Variants in B3GALT1 observed in about 807,000 individuals in gnomAD.
B3GALT1 encodes the protein beta-1,3-galactosyltransferase 1, also known as UDP-Gal:betaGlcNAc beta 1,3-galactosyltransferase, polypeptide 1.
A neutral mutation model predicts 23.2 loss-of-function variants in B3GALT1; 10 were observed. The ratio of observed to expected loss-of-function variants is 0.43; its 90% CI spans 0.27 to 0.73. The LOEUF (loss-of-function observed/expected upper bound fraction) is 0.73. Ranked by LOEUF, B3GALT1 falls within the 30% of genes least tolerant of loss-of-function variation. B3GALT1 has a pLI of 0.21. For missense variants in B3GALT1, 299 were observed against 405.4 expected (o/e 0.74, Z 2.25); for synonymous variants, 156 against 141.5 (o/e 1.10, Z -0.73).
chr2:167,765,572 A>G (rs1315989628), intron 3 of B3GALT1, among the ~76,000 whole-genome samples: 1 of 152,216 alleles, frequency 6.6e-6, no homozygotes, highest in Non-Finnish European at 1.5e-5. Context: ...TATAACTAGA[A>G]TTTGCCTATT....
intron 2 of B3GALT1, among the ~76,000 whole-genome samples, chr2:167,499,451 C>G (rs1327383961): frequency 6.6e-6 from 1 of 151,898 alleles, no homozygotes; most frequent in East Asian, 1.9e-4. Context: ...CTATGAGACT[C>G]AAGGATTTAG....
At chr2:167,388,861 A>G (rs1232152952) in intron 1 of B3GALT1, among the ~76,000 whole-genome samples, 1 of 152,190 alleles carries the variant, frequency 6.6e-6, no homozygotes, top group African/African-American at 2.4e-5. Flanking sequence ...AGAACCAAGA[A>G]AAGCCATCTC....
intron 3 of B3GALT1, among the ~76,000 whole-genome samples, chr2:167,746,257 A>AT (rs1168973257): frequency 6.6e-6 from 1 of 152,254 alleles, no homozygotes; most frequent in African/African-American, 2.4e-5. Flanking sequence ...TCCAAGTCTT[A>AT]TATGAGGACA....
chr2:167,378,073 C>G (rs1461099177), intron 1 of B3GALT1, among the ~76,000 whole-genome samples: 1 of 152,138 alleles, frequency 6.6e-6, no homozygotes, highest in East Asian at 1.9e-4. Flanking sequence ...TTCTCCTTCA[C>G]TTATGATTCT....
intron 2 of B3GALT1, among the ~76,000 whole-genome samples, chr2:167,560,675 A>C (rs1683962431): frequency 6.6e-6 from 1 of 151,850 alleles, no homozygotes; most frequent in Admixed American, 6.6e-5. Context: ...GATAAAACAG[A>C]CTTTAAACCA....
At chr2:167,637,009 G>A (rs1196061111) in intron 2 of B3GALT1, among the ~76,000 whole-genome samples, 1 of 151,764 alleles carries the variant, frequency 6.6e-6, no homozygotes, top group African/African-American at 2.4e-5. Context: ...AAAATAGAAG[G>A]TAGGTACTCA....
intron 2 of B3GALT1, among the ~76,000 whole-genome samples, chr2:167,602,361 G>A (rs962867565): frequency 2.0e-5 from 3 of 152,110 alleles, no homozygotes; most frequent in South Asian, 2.1e-4. Flanking sequence ...GAACAGTTCC[G>A]GAGTACTCAA....
chr2:167,447,690 C>T (rs529798893), intron 1 of B3GALT1, among the ~76,000 whole-genome samples: 94 of 152,182 alleles, frequency 6.2e-4, no homozygotes, highest in Non-Finnish European at 2.1e-4. Flanking sequence ...CCTGGTGTGC[C>T]GTTTGCTAAG....
chr2:167,804,400 A>C (rs148122763), intron 3 of B3GALT1, among the ~76,000 whole-genome samples: 12,907 of 151,718 alleles, frequency 0.085, 716 homozygotes, highest in Middle Eastern at 0.2. Flanking sequence ...ATATGTATAC[A>C]TGTGCCATGT....
At chr2:167,696,577 A>T (rs540010270) in intron 3 of B3GALT1, among the ~76,000 whole-genome samples, 1 of 152,132 alleles carries the variant, frequency 6.6e-6, no homozygotes, top group African/African-American at 2.4e-5. Context: ...TCTCTCTCCA[A>T]TTAAGAACAG....
chr2:167,517,713 G>T (rs920816277), intron 2 of B3GALT1, among the ~76,000 whole-genome samples: 11 of 152,112 alleles, frequency 7.2e-5, no homozygotes, highest in South Asian at 4.1e-4. Flanking sequence ...AACTAGCTTT[G>T]TAGTGGACAT....
chr2:167,414,220 C>T (rs1025361063), intron 1 of B3GALT1, among the ~76,000 whole-genome samples: 15 of 152,028 alleles, frequency 9.9e-5, no homozygotes, highest in Non-Finnish European at 1.5e-5. Context: ...ATGGAAAACC[C>T]TGAATACTAT....
At chr2:167,775,884 G>A (rs928824066) in intron 3 of B3GALT1, among the ~76,000 whole-genome samples, 2 of 151,996 alleles carry the variant, frequency 1.3e-5, no homozygotes, top group African/African-American at 4.8e-5. Context: ...GCTCTACTCC[G>A]GGAACTGTCA....
rs73021259 is a variant in B3GALT1 at position 167,827,071 on chromosome 2, G to A, written c.-230+8278G>A. 7.3e-3 allele frequency among the ~76,000 whole-genome samples: 1,104 copies of A among 152,244 alleles called. 19 individuals are homozygous for A. The highest frequency in any genetic ancestry group is 0.025 in the African/African-American group (1,047 of 41,542). On this transcript the variant is annotated intron_variant, in intron 4 of 4. Transcript: ENST00000392690. ...AGAACAATCATGCTTCCTGTTCAGA[G>A]GCAGAACTCCAGGCTCCAAGAACAC...
Position 167,873,448 on chromosome 2 carries a change from G to C in B3GALT1, c.*3428G>C, listed in dbSNP as rs1221343736. 1 of 152,162 alleles carries C rather than the reference G, an allele frequency of 6.6e-6. No homozygotes were observed. Among genetic ancestry groups the C allele is most frequent in the Non-Finnish European group, 1.5e-5 (1 of 68,016 alleles). The allele number at this position is 152,162 out of a possible 1,614,324, so 9.4% of individuals were successfully genotyped here. On this transcript the variant is annotated 3_prime_UTR_variant, in exon 5 of 5. Transcript: ENST00000392690. Reference sequence around the variant, plus strand: ...ATATGGGGAAAATAAACTATTTACAGAGGAGCCAAGGAAGAAGTTTTTCGA... The same window carrying C: ...ATATGGGGAAAATAAACTATTTACACAGGAGCCAAGGAAGAAGTTTTTCGA...
chr2:167,363,612 G>A (rs535072898), intron 1 of B3GALT1, among the ~76,000 whole-genome samples: 2 of 152,130 alleles, frequency 1.3e-5, no homozygotes, highest in African/African-American at 4.8e-5. Context: ...CCTGGCTCAC[G>A]AGAGGAACTT....
chr2:167,668,969 A>G (rs530721654), intron 3 of B3GALT1, among the ~76,000 whole-genome samples: 7 of 152,098 alleles, frequency 4.6e-5, no homozygotes, highest in African/African-American at 9.6e-5. Flanking sequence ...ATCCTATCCC[A>G]TTCTCTAATG....
At chr2:167,803,077 AACAAAC>A (rs1462843648) in intron 3 of B3GALT1, among the ~76,000 whole-genome samples, 1 of 95,666 alleles carries the variant, frequency 1.0e-5, no homozygotes, top group East Asian at 4.9e-4. Flanking sequence ...ATTTGACCCT[AACAAAC>A]ACACACACAC....
rs77018223 is a variant in B3GALT1, at chr2:167,730,944, A to G, written c.-352+83978A>G. Among the ~76,000 whole-genome samples, 1,675 of 152,310 alleles carry G rather than the reference A, an allele frequency of 0.011. 90 individuals are homozygous for G. In the East Asian group the frequency reaches 0.16, roughly 15 times the overall value. On this transcript the variant is annotated intron_variant, in intron 3 of 4. Transcript: ENST00000392690. Reference sequence around the variant, plus strand: ...AAATACTATCTCAGTTAATTCAAAGAATAAACCTATGAAGAAAGTACTAGT... The same window carrying G: ...AAATACTATCTCAGTTAATTCAAAGGATAAACCTATGAAGAAAGTACTAGT...
Sources: allele counts gnomAD v4.1 joint callset (sites outside exome capture counted in the v4.1 genomes callset), GRCh38; gene constraint gnomAD v4.1.1; transcripts MANE v1.5; gene names NCBI Gene and HGNC (gene_info 2026-07-23, HGNC 2026-07-21).